The following EXOC6B variants were observed in gnomAD, a reference collection of about 807,000 sequenced individuals.
EXOC6B encodes the protein exocyst complex component 6B.
Under a neutral mutation model 113.5 loss-of-function variants are expected in EXOC6B, and 54 were observed. The ratio of observed to expected loss-of-function variants is 0.48; its 90% CI spans 0.38 to 0.60. The LOEUF is 0.60. Ranked by LOEUF, EXOC6B falls within the 20% of genes least tolerant of loss-of-function variation. The pLI is 0.00. For missense variants in EXOC6B, 797 were observed against 977.5 expected (o/e 0.82, Z 2.46); for synonymous variants, 357 against 339.0 (o/e 1.05, Z -0.58).
At chr2:72,321,042 C>T (rs1029957918) in intron 20 of EXOC6B, among the ~76,000 whole-genome samples, 1 of 152,036 alleles carries the variant, frequency 6.6e-6, no homozygotes, top group African/African-American at 2.4e-5. Context: ...TATGTCTATA[C>T]ATATATCAGA....
intron 6 of EXOC6B, among the ~76,000 whole-genome samples, chr2:72,698,381 C>T (rs1678043727): frequency 6.6e-6 from 1 of 151,938 alleles, no homozygotes. Flanking sequence ...ATAAGGTTAT[C>T]GATAAAGAAA....
chr2:72,811,431 T>C (rs1685917465), intron 1 of EXOC6B, among the ~76,000 whole-genome samples: 1 of 152,178 alleles, frequency 6.6e-6, no homozygotes, highest in Non-Finnish European at 1.5e-5. Flanking sequence ...GTCAATTGAA[T>C]TTGCAATTTA....
At chr2:72,668,438 T>C (rs1558899246) in intron 6 of EXOC6B, among the ~76,000 whole-genome samples, 1 of 149,466 alleles carries the variant, frequency 6.7e-6, no homozygotes, top group Non-Finnish European at 1.5e-5. Flanking sequence ...GAAAATCAAT[T>C]GTTCTACCAA....
At chr2:72,732,274 A>G (rs1414230852) in intron 3 of EXOC6B, among the ~76,000 whole-genome samples, 1 of 151,896 alleles carries the variant, frequency 6.6e-6, no homozygotes, top group African/African-American at 2.4e-5. Context: ...TCAGTCTCCC[A>G]AGTAGCTGGG....
At chr2:72,809,458 G>A (rs566853893) in intron 1 of EXOC6B, among the ~76,000 whole-genome samples, 1 of 151,626 alleles carries the variant, frequency 6.6e-6, no homozygotes, top group South Asian at 2.1e-4. Flanking sequence ...GTAGACTTCA[G>A]AACAAAGAAA....
chr2:72,489,255 T>G (rs867810238), intron 16 of EXOC6B, among the ~76,000 whole-genome samples: 4 of 152,216 alleles, frequency 2.6e-5, no homozygotes, highest in Non-Finnish European at 5.9e-5. Flanking sequence ...TTATTATCTG[T>G]TTTTCTCTGG....
intron 18 of EXOC6B, among the ~76,000 whole-genome samples, chr2:72,414,472 G>A (rs969042465): frequency 1.3e-5 from 2 of 152,104 alleles, no homozygotes; most frequent in Non-Finnish European, 1.5e-5. Flanking sequence ...TAGTTTCAAG[G>A]TTGAGTGCTT....
chr2:72,763,992 T>G (rs1212214120), intron 1 of EXOC6B, among the ~76,000 whole-genome samples: 1 of 151,890 alleles, frequency 6.6e-6, no homozygotes, highest in Non-Finnish European at 1.5e-5. Flanking sequence ...GGTGGGAGGA[T>G]CACTTGAGCC....
intron 6 of EXOC6B, among the ~76,000 whole-genome samples, chr2:72,693,805 A>T (rs1677672287): frequency 6.6e-6 from 1 of 150,906 alleles, no homozygotes. Context: ...CTATTTATCT[A>T]CTTACCTTCC....
intron 17 of EXOC6B, among the ~76,000 whole-genome samples, chr2:72,465,992 A>T (rs923285741): frequency 6.6e-6 from 1 of 152,142 alleles, no homozygotes; most frequent in Admixed American, 6.5e-5. Flanking sequence ...CTACAAAATC[A>T]TTCTAATTCA....
intron 6 of EXOC6B, among the ~76,000 whole-genome samples, chr2:72,672,601 T>C (rs1197932194): frequency 6.7e-6 from 1 of 150,288 alleles, no homozygotes; most frequent in Non-Finnish European, 1.5e-5. Context: ...ACGTGGTATA[T>C]ATACACAATG....
rs147503450 is a variant in EXOC6B, at chr2:72,747,081, C to T, written c.114-5612G>A. Among the ~76,000 whole-genome samples, 11 of 152,174 alleles carry T rather than the reference C, an allele frequency of 7.2e-5. No homozygotes were observed. In the East Asian group the frequency reaches 2.1e-3, roughly 29 times the overall value. ...TTAAAAAGAGAGAGAGAGAGACAAA[C>T]TTCTACTTCAAGATGAGTAAGTTGC... On this transcript the variant is annotated intron_variant, in intron 1 of 21. Coordinates refer to ENST00000272427, the MANE Select transcript of EXOC6B (RefSeq NM_015189.3).
rs188986581 is a variant in EXOC6B at position 72,313,953 on chromosome 2, T to C, written c.2196+20994A>G. On this transcript the variant is annotated intron_variant, in intron 20 of 21. Coordinates refer to ENST00000272427, the MANE Select transcript of EXOC6B (RefSeq NM_015189.3). ...GATGCCCTGTAAAAGCAGTGGGAGATTTCAGCAGGCTAGACCCTCCAGGAC... is the reference window on the plus strand; with the variant it reads ...GATGCCCTGTAAAAGCAGTGGGAGACTTCAGCAGGCTAGACCCTCCAGGAC... 5.3e-4 allele frequency among the ~76,000 whole-genome samples: 80 copies of C among 152,102 alleles called. 3 individuals carry two copies. In the East Asian group the frequency reaches 0.011, roughly 20 times the overall value.
chr2:72,514,601 AATAAATATATATATATAT>A lies in EXOC6B; in HGVS notation c.1046+15_1046+32del. The A allele has an allele frequency of 1.2e-5, 1 of 83,428 alleles. No individual in the cohort carries two copies. Among genetic ancestry groups the A allele is most frequent in the East Asian group, 4.4e-4 (1 of 2,274 alleles). The allele number at this position is 83,428 out of a possible 1,614,324, so 5.2% of individuals were successfully genotyped here. A position where few individuals can be genotyped will look rare whatever the true frequency, so the allele number is the denominator to read the frequency against. On this transcript the variant is annotated intron_variant, in intron 10 of 21. Transcript: ENST00000272427. The stretch of plus-strand genomic sequence containing the variant: ...CAATAAATAAATAAATAAATAAATA[AATAAATATATATATATAT>A]ATATATATACCTACCCTACAATTTG...
At chr2:72,513,020 G>C in intron 11 of EXOC6B, 112 bp downstream of exon 11, 1 of 1,256,384 alleles carries the variant, frequency 8.0e-7, no homozygotes, top group Non-Finnish European at 1.1e-6. Flanking sequence ...GACATCTATA[G>C]CTCCAAGTGA....
intron 19 of EXOC6B, among the ~76,000 whole-genome samples, chr2:72,376,189 A>G (rs1045420724): frequency 5.9e-5 from 9 of 152,204 alleles, no homozygotes; most frequent in African/African-American, 2.2e-4. Context: ...CTGGGTTGAC[A>G]TATACTATCA....
At chr2:72,223,933 C>T (rs1034399340) in intron 20 of EXOC6B, among the ~76,000 whole-genome samples, 2 of 152,076 alleles carry the variant, frequency 1.3e-5, no homozygotes, top group Non-Finnish European at 1.5e-5. Context: ...GGAATACAGG[C>T]GATTCCAATT....
chr2:72,537,382 G>A (rs973098529), intron 8 of EXOC6B, among the ~76,000 whole-genome samples: 5 of 149,262 alleles, frequency 3.3e-5, no homozygotes, highest in Admixed American at 1.4e-4. Flanking sequence ...CAGGTGGATC[G>A]TATTACTTTA....
intron 7 of EXOC6B, among the ~76,000 whole-genome samples, chr2:72,561,840 A>C (rs1703903214): frequency 6.6e-6 from 1 of 152,144 alleles, no homozygotes; most frequent in South Asian, 2.1e-4. Flanking sequence ...AACTGGCTAA[A>C]GTGCTCTCAC....
Sources: allele counts gnomAD v4.1 joint callset (sites outside exome capture counted in the v4.1 genomes callset), GRCh38; gene constraint gnomAD v4.1.1; transcripts MANE v1.5; gene names NCBI Gene and HGNC (gene_info 2026-07-23, HGNC 2026-07-21).